Variants in COQ3 observed in about 807,000 individuals in gnomAD.
The protein encoded by COQ3 is coenzyme Q3, methyltransferase.
COQ3 carries 29 observed loss-of-function variants against 33.1 expected under a neutral mutation model. That is an observed-to-expected ratio of 0.88 (90% CI 0.65 to 1.19). The LOEUF is 1.19. Ranked by LOEUF, COQ3 falls within the 50% of genes most tolerant of loss-of-function variation. The pLI is 0.00. For missense variants in COQ3, 437 were observed against 430.7 expected (o/e 1.01, Z -0.13); for synonymous variants, 173 against 157.8 (o/e 1.10, Z -0.72).
rs1359714518 is a variant in COQ3, at chr6:99,377,546, C to T, written c.387-61G>A. 10 of 1,196,960 alleles carry T rather than the reference C, an allele frequency of 8.4e-6. No homozygotes were observed. The Admixed American group carries it at 1.7e-4, about 21-fold the overall frequency. 74.1% of individuals were successfully genotyped at this position (1,196,960 alleles called of 1,614,324 possible). ...AATTAATTTTATCAACGAAAAGTCACAAAGTGTGTAGTTTTCAAGGAAATA... is the reference window on the plus strand; with the variant it reads ...AATTAATTTTATCAACGAAAAGTCATAAAGTGTGTAGTTTTCAAGGAAATA... On this transcript the variant is annotated intron_variant, in intron 3 of 6. Transcript: ENST00000254759.
intron 3 of COQ3, among the ~76,000 whole-genome samples, chr6:99,378,886 C>T (rs7751297): frequency 0.36 from 55,071 of 151,496 alleles, 10,410 homozygotes; most frequent in South Asian, 0.57. Context: ...TGTTACAGTG[C>T]TTTGCCCAAA....
intron 1 of COQ3, among the ~76,000 whole-genome samples, chr6:99,387,888 C>T (rs897990257): frequency 6.6e-6 from 1 of 151,880 alleles, no homozygotes; most frequent in African/African-American, 2.4e-5. Context: ...GATTACAGGC[C>T]GCACAGTGGC....
At position 99,391,301 on chromosome 6, in the gene COQ3, G is replaced by T. The variant is rs1437791665; in HGVS notation, c.106+2773C>A. 2.7e-5 allele frequency among the ~76,000 whole-genome samples: 4 copies of T among 150,324 alleles called. No homozygotes were observed. In the Admixed American group the frequency reaches 2.7e-4, roughly 10 times the overall value. ...TTTTTTTTTGTAGAGACAGGGTTTT[G>T]CTATGTTGCCCAGGCTGGTTTCAAA... is the stretch of plus-strand genomic sequence containing the variant. On this transcript the variant is annotated intron_variant, in intron 1 of 6. Coordinates refer to ENST00000254759, the MANE Select transcript of COQ3 (RefSeq NM_017421.4).
chr6:99,376,164 C>G lies in COQ3; in HGVS notation c.505G>C (p.Ala169Pro), dbSNP rs553597713. The G allele has an allele frequency of 3.2e-5, 51 of 1,613,856 alleles. No individual in the cohort carries two copies. Among genetic ancestry groups the G allele is most frequent in the Non-Finnish European group, 4.2e-5 (49 of 1,180,016 alleles). ...LLTEPLGRLG[A>P]SVIGIDPVDE... The stretch of plus-strand genomic sequence containing the variant: ...ACAGGGTCGATTCCAATAACTGAAG[C>G]CCCAAGCCGCCCTAGAGGCTAATGG... Residue 169 changes from alanine (A) to proline (P), a missense_variant, in exon 5 of 7, where the codon GCT becomes CCT. Coordinates refer to ENST00000254759, the MANE Select transcript of COQ3 (RefSeq NM_017421.4).
intron 1 of COQ3, among the ~76,000 whole-genome samples, chr6:99,387,073 A>C (rs1185659578): frequency 6.6e-6 from 1 of 152,218 alleles, no homozygotes; most frequent in African/African-American, 2.4e-5. Context: ...AATACAGCAC[A>C]ACCAAGTGAG....
intron 3 of COQ3, 115 bp downstream of exon 3, chr6:99,380,074 G>T (rs1774421333): frequency 7.6e-6 from 7 of 924,928 alleles, no homozygotes; most frequent in Non-Finnish European, 1.1e-5. Context: ...AATTTCCAAA[G>T]CAAACTTAAT....
intron 2 of COQ3, among the ~76,000 whole-genome samples, chr6:99,381,942 A>G (rs1209345765): frequency 1.3e-5 from 2 of 149,564 alleles, no homozygotes; most frequent in South Asian, 2.2e-4. Context: ...AAAAAAAAAA[A>G]GAATCTTCCT....
Position 99,392,633 on chromosome 6 carries a change from T to A in COQ3, c.106+1441A>T, listed in dbSNP as rs575991932. 3.0e-3 allele frequency among the ~76,000 whole-genome samples: 459 copies of A among 151,822 alleles called. 1 individual carries two copies. Among genetic ancestry groups the A allele is most frequent in the Non-Finnish European group, 3.5e-3 (236 of 67,808 alleles). On this transcript the variant is annotated intron_variant, in intron 1 of 6. Coordinates refer to ENST00000254759, the MANE Select transcript of COQ3 (RefSeq NM_017421.4). The stretch of plus-strand genomic sequence containing the variant: ...GTCCTTTCCCCTCTCCAACTGCTTT[T>A]TTTTTTTTTTGAGACAGAGTCTCAC...
intron 1 of COQ3, among the ~76,000 whole-genome samples, chr6:99,385,188 A>G (rs1774589431): frequency 3.9e-5 from 6 of 152,202 alleles, no homozygotes. Context: ...AAATAAACAA[A>G]TCCACAATTG....
intron 2 of COQ3, among the ~76,000 whole-genome samples, chr6:99,383,322 G>T (rs1434023116): frequency 1.3e-5 from 2 of 152,128 alleles, no homozygotes; most frequent in South Asian, 2.1e-4. Flanking sequence ...TTAAAATATT[G>T]TATTAGGTAT....
intron 1 of COQ3, among the ~76,000 whole-genome samples, chr6:99,387,921 T>C (rs1466950635): frequency 2.6e-5 from 4 of 152,248 alleles, no homozygotes; most frequent in African/African-American, 9.6e-5. Flanking sequence ...TCCCAGCACT[T>C]TGGGAGGCCG....
chr6:99,380,310 G>A lies in COQ3; in HGVS notation c.265C>T (p.Gln89Ter), dbSNP rs1774433280. ...ACCTCACCGCTGTCGACAGTGGTTT[G>A]GGAAGTACTGTACAGTCTCGCCCAA... ...YPWARLYSTS[Q>*]TTVDSGEVKT... The change falls in exon 3 of 7, where the codon CAA becomes TAA. Residue 89 changes from glutamine to a stop codon, truncating the protein, a stop_gained. Coordinates refer to ENST00000254759, the MANE Select transcript of COQ3 (RefSeq NM_017421.4). LOFTEE classifies it high-confidence loss of function. 1.2e-6 allele frequency: 2 copies of A among 1,613,996 alleles called. No individual in the cohort carries two copies. The highest frequency in any genetic ancestry group is 1.7e-6 in the Non-Finnish European group (2 of 1,179,972).
intron 5 of COQ3, among the ~76,000 whole-genome samples, chr6:99,372,928 T>C (rs1774184456): frequency 6.6e-6 from 1 of 152,040 alleles, no homozygotes; most frequent in Admixed American, 6.6e-5. Flanking sequence ...AGATAATATA[T>C]CTTAGATACC....
intron 3 of COQ3, among the ~76,000 whole-genome samples, chr6:99,378,488 C>T (rs1034340137): frequency 1.3e-5 from 2 of 152,060 alleles, no homozygotes; most frequent in African/African-American, 2.4e-5. Flanking sequence ...GCTTGCACTG[C>T]CCTGGGTTAT....
chr6:99,389,322 G>A (rs1582733132), intron 1 of COQ3, among the ~76,000 whole-genome samples: 1 of 151,958 alleles, frequency 6.6e-6, no homozygotes, highest in Non-Finnish European at 1.5e-5. Context: ...ACAGGCTTTC[G>A]CCATGTTGAC....
chr6:99,387,743 T>C (rs1407465530), intron 1 of COQ3, among the ~76,000 whole-genome samples: 1 of 152,164 alleles, frequency 6.6e-6, no homozygotes, highest in African/African-American at 2.4e-5. Flanking sequence ...TTCAGTGCAA[T>C]GAGGCAAGAA....
chr6:99,384,300 A>G (rs1407074432), intron 1 of COQ3, among the ~76,000 whole-genome samples: 1 of 152,224 alleles, frequency 6.6e-6, no homozygotes, highest in Admixed American at 6.5e-5. Context: ...AAAATAAAAT[A>G]AAGGTCTTAC....
chr6:99,385,266 A>G (rs1337076945), intron 1 of COQ3, among the ~76,000 whole-genome samples: 2 of 152,258 alleles, frequency 1.3e-5, no homozygotes, highest in East Asian at 3.8e-4. Flanking sequence ...ACCAGCAGGG[A>G]TAAAGAAGAA....
chr6:99,377,271 A>C (rs1231468901), intron 4 of COQ3, 115 bp downstream of exon 4: 3 of 864,300 alleles, frequency 3.5e-6, no homozygotes, highest in Non-Finnish European at 5.6e-6. Context: ...TGGCCTCCCA[A>C]CATGCATTTC....
Sources: allele counts gnomAD v4.1 joint callset (sites outside exome capture counted in the v4.1 genomes callset), GRCh38; gene constraint gnomAD v4.1.1; transcripts MANE v1.5; gene names NCBI Gene and HGNC (gene_info 2026-07-23, HGNC 2026-07-21).